Variants in FER1L6 observed in about 807,000 individuals in gnomAD.
FER1L6 encodes fer-1 like family member 6.
In FER1L6, 177 loss-of-function variants were observed where a neutral mutation model predicts 219.2. The observed-to-expected ratio is 0.81, with a 90% confidence interval of 0.71 to 0.91. The LOEUF (loss-of-function observed/expected upper bound fraction) is 0.91, where lower values mean the gene tolerates loss of function less well. Among genes scored for constraint, FER1L6 ranks in the 40% least tolerant of loss-of-function variants. The probability of loss-of-function intolerance (pLI) is 0.00; values close to 1 mark genes in which losing one functional copy is unlikely to be tolerated. For missense variants in FER1L6, 2,153 were observed against 2,259.9 expected, an observed-to-expected ratio of 0.95 and a Z score of 0.96; for synonymous variants, 768 against 824.3, an observed-to-expected ratio of 0.93 and a Z score of 1.17.
intron 38 of FER1L6, 59 bp downstream of exon 38, chr8:124,101,397 G>T: frequency 6.6e-7 from 1 of 1,524,504 alleles, no homozygotes. Context: ...TCAGCTTTTG[G>T]AGAGCTTGGT....
chr8:123,989,773 A>G (rs901679492), intron 12 of FER1L6, among the ~76,000 whole-genome samples: 1 of 152,182 alleles, frequency 6.6e-6, no homozygotes, highest in Admixed American at 6.5e-5. Flanking sequence ...GTAGTATTCC[A>G]TGGTGTGTAT....
intron 31 of FER1L6, among the ~76,000 whole-genome samples, chr8:124,072,147 C>T (rs1204534088): frequency 6.6e-6 from 1 of 152,038 alleles, no homozygotes; most frequent in Non-Finnish European, 1.5e-5. Flanking sequence ...GGAGAGGGAA[C>T]CAAATAGGAG....
Position 124,066,473 on chromosome 8 carries a change from A to G in FER1L6, c.3601A>G (p.Thr1201Ala). 6.2e-7 allele frequency: 1 copy of G among 1,614,086 alleles called. No individual in the cohort carries two copies. The highest frequency in any genetic ancestry group is 8.5e-7 in the Non-Finnish European group (1 of 1,179,936). The change falls in exon 27 of 41, where the codon ACC (threonine) becomes GCC (alanine). Residue 1201 changes from threonine to alanine, a missense_variant. Thr to Ala is a moderately conservative substitution (Grantham distance 58). Coordinates refer to ENST00000522917, the MANE Select transcript of FER1L6 (RefSeq NM_001039112.2). ...SRRSTKRRKR[T>A]IADESAENVI... ...GAGGTCCACTAAGAGGAGAAAGAGG[A>G]CCATAGCAGATGAATCTGCTGAAAA... is the stretch of plus-strand genomic sequence containing the variant.
rs189801563 is a variant in FER1L6, at chr8:123,907,360, G to C, written c.-7-48632G>C. Among the ~76,000 whole-genome samples, 10 of 152,230 alleles carry C rather than the reference G, an allele frequency of 6.6e-5. No individual in the cohort carries two copies. The East Asian group carries it at 1.8e-3, about 27-fold the overall frequency. The stretch of plus-strand genomic sequence containing the variant: ...TCCATCAACAGATCACACGGTCATA[G>C]CTGCTGCTATCACCACCCTCCATTA... On this transcript the variant is annotated intron_variant, in intron 1 of 40. Transcript: ENST00000522917.
At chr8:123,913,398 G>C (rs898216466) in intron 1 of FER1L6, among the ~76,000 whole-genome samples, 1 of 151,996 alleles carries the variant, frequency 6.6e-6, no homozygotes, top group Admixed American at 6.6e-5. Flanking sequence ...CAATTCCTAA[G>C]AGAAAGAAAA....
At chr8:123,983,057 G>C (rs1816389189) in intron 11 of FER1L6, among the ~76,000 whole-genome samples, 1 of 152,144 alleles carries the variant, frequency 6.6e-6, no homozygotes, top group Admixed American at 6.5e-5. Context: ...ATTTTTTGAG[G>C]GGAAGATTAG....
At chr8:123,938,214 C>A (rs1835933413) in intron 1 of FER1L6, among the ~76,000 whole-genome samples, 2 of 152,146 alleles carry the variant, frequency 1.3e-5, no homozygotes, top group African/African-American at 4.8e-5. Flanking sequence ...TCAGATAACT[C>A]TCACCTAACT....
chr8:123,907,667 C>T (rs568713548), intron 1 of FER1L6, among the ~76,000 whole-genome samples: 2 of 148,448 alleles, frequency 1.3e-5, no homozygotes, highest in East Asian at 2.1e-4. Context: ...ACCCAGGAGG[C>T]TTCCCTGAGG....
At chr8:124,062,164 C>T in intron 25 of FER1L6, 132 bp downstream of exon 25, 2 of 909,084 alleles carry the variant, frequency 2.2e-6, no homozygotes, top group East Asian at 2.6e-5. Flanking sequence ...GATGAGCTTG[C>T]TCCTGCAGGG....
chr8:123,976,519 A>G (rs919868787), intron 9 of FER1L6, among the ~76,000 whole-genome samples: 11 of 152,068 alleles, frequency 7.2e-5, no homozygotes, highest in Admixed American at 2.6e-4. Flanking sequence ...TAAAAAAAAA[A>G]AAAAGAAAAG....
chr8:123,944,563 T>C (rs1462501246), intron 1 of FER1L6, among the ~76,000 whole-genome samples: 1 of 152,022 alleles, frequency 6.6e-6, no homozygotes, highest in Admixed American at 6.6e-5. Context: ...TATATATATA[T>C]ATAAATAAAT....
chr8:124,070,679 G>A (rs1421567446), intron 30 of FER1L6, 81 bp downstream of exon 30: 11 of 1,297,004 alleles, frequency 8.5e-6, no homozygotes, highest in African/African-American at 1.5e-5. Flanking sequence ...TAATGGAATT[G>A]TGGTGTGGGA....
intron 9 of FER1L6, 43 bp downstream of exon 9, chr8:123,976,127 C>A (rs908472808): frequency 7.1e-7 from 1 of 1,401,894 alleles, no homozygotes; most frequent in East Asian, 2.3e-5. Flanking sequence ...AGGCCAGGGC[C>A]CTGCTCTCTA....
chr8:123,875,621 C>T (rs181640733), intron 1 of FER1L6, among the ~76,000 whole-genome samples: 2 of 152,322 alleles, frequency 1.3e-5, no homozygotes, highest in East Asian at 1.9e-4. Context: ...TATACCAGAT[C>T]ACCTTGTTCA....
chr8:123,969,950 G>A, intron 5 of FER1L6, 85 bp from the exon 6 acceptor site: 1 of 1,014,064 alleles, frequency 9.9e-7, no homozygotes, highest in East Asian at 2.4e-5. Flanking sequence ...TGGTTTGAAT[G>A]ACAAAGATCT....
Position 124,076,209 on chromosome 8 carries a change from T to C in FER1L6, c.4104T>C (p.Leu1368=). ...IRVYIVAAFN[L]SPADPDGKSD... ...TTTTTCCTTTCCAGGCATTTAATCT[T>C]AGTCCAGCTGATCCAGATGGCAAAT... The change falls in exon 32 of 41, where the codon CTT becomes CTC. Residue 1368 remains leucine (L), a synonymous_variant. Coordinates refer to ENST00000522917, the MANE Select transcript of FER1L6 (RefSeq NM_001039112.2). 1.2e-6 allele frequency: 2 copies of C among 1,614,038 alleles called. No homozygotes were observed. Among genetic ancestry groups the C allele is most frequent in the Non-Finnish European group, 1.7e-6 (2 of 1,179,916 alleles).
chr8:124,036,688 C>A (rs913975888), intron 19 of FER1L6, among the ~76,000 whole-genome samples: 2 of 152,218 alleles, frequency 1.3e-5, no homozygotes, highest in East Asian at 3.9e-4. Flanking sequence ...CTATTTTTAT[C>A]GACTATCTCT....
intron 3 of FER1L6, among the ~76,000 whole-genome samples, chr8:123,965,248 C>T (rs1309388720): frequency 1.3e-5 from 2 of 152,198 alleles, no homozygotes; most frequent in East Asian, 3.8e-4. Flanking sequence ...AATCAGTTCT[C>T]TATTGGACTC....
chr8:123,970,347 A>C (rs1462327289), intron 6 of FER1L6, among the ~76,000 whole-genome samples: 3 of 152,194 alleles, frequency 2.0e-5, no homozygotes, highest in Non-Finnish European at 2.9e-5. Context: ...TTACTGATTG[A>C]ATCATGTAGC....
Sources: gnomAD v4.1 joint callset for allele counts (sites outside exome capture counted in the v4.1 genomes callset) on GRCh38, gnomAD v4.1.1 for gene constraint, MANE v1.5 for transcripts, NCBI Gene and HGNC (gene_info 2026-07-23, HGNC 2026-07-21) for gene names.